DENND6A: variants seen among roughly 807,000 people sequenced by gnomAD.
DENND6A encodes protein DENND6A.
Under a neutral mutation model 95.5 loss-of-function variants are expected in DENND6A, and 43 were observed. The ratio of observed to expected loss-of-function variants is 0.45; its 90% CI spans 0.35 to 0.58. DENND6A has a LOEUF of 0.58. DENND6A is among the 20% of genes least tolerant of loss of function. DENND6A has a pLI of 0.00. For missense variants in DENND6A, 574 were observed against 736.0 expected, an observed-to-expected ratio of 0.78 and a Z score of 2.55; for synonymous variants, 257 against 260.4, an observed-to-expected ratio of 0.99 and a Z score of 0.13.
intron 1 of DENND6A, among the ~76,000 whole-genome samples, chr3:57,679,989 GAGCAGC>G: frequency 6.6e-6 from 1 of 152,292 alleles, no homozygotes; most frequent in East Asian, 1.9e-4. Context: ...ACTGTTAGAA[GAGCAGC>G]AGCAGCAGTG....
At chr3:57,680,002 A>T (rs1245457350) in intron 1 of DENND6A, among the ~76,000 whole-genome samples, 1 of 152,234 alleles carries the variant, frequency 6.6e-6, no homozygotes, top group Admixed American at 6.5e-5. Flanking sequence ...CAGCAGCAGC[A>T]GTGGGAACAA....
At chr3:57,691,121 A>G (rs1489264384) in intron 1 of DENND6A, among the ~76,000 whole-genome samples, 2 of 152,250 alleles carry the variant, frequency 1.3e-5, no homozygotes, top group Non-Finnish European at 2.9e-5. Context: ...CCAAATAATG[A>G]GAATCCAAAA....
At chr3:57,631,653 A>G (rs2070677479) in intron 15 of DENND6A, among the ~76,000 whole-genome samples, 1 of 151,372 alleles carries the variant, frequency 6.6e-6, no homozygotes, top group African/African-American at 2.4e-5. Flanking sequence ...AGGCTAAATA[A>G]CCTGACCAAG....
chr3:57,680,577 A>C (rs147754228), intron 1 of DENND6A, among the ~76,000 whole-genome samples: 2 of 152,340 alleles, frequency 1.3e-5, no homozygotes, highest in African/African-American at 2.4e-5. Context: ...ATGAGAAATA[A>C]ACAGATATTG....
At chr3:57,639,866 C>T (rs2070885673) in intron 12 of DENND6A, among the ~76,000 whole-genome samples, 1 of 151,112 alleles carries the variant, frequency 6.6e-6, no homozygotes, top group African/African-American at 2.5e-5. Context: ...ATCCTTGATT[C>T]TAATACTTCC....
rs1553744948 is a variant in DENND6A, at chr3:57,681,634, A to AAAAAG, written c.238-9197_238-9196insCTTTT. ...GCAAGACCCTGTTAAAAAAAAAAAA[A>AAAAAG]AAAGAAAGAAAGAAAGAAAAAAGAA... is the stretch of plus-strand genomic sequence containing the variant. On this transcript the variant is annotated intron_variant, in intron 1 of 19. Coordinates refer to ENST00000311128, the MANE Select transcript of DENND6A (RefSeq NM_152678.3). Among the ~76,000 whole-genome samples the AAAAAG allele has an allele frequency of 4.0e-5, 6 of 151,636 alleles. No individual in the cohort carries two copies. The South Asian group carries it at 8.3e-4, about 21-fold the overall frequency.
chr3:57,628,235 C>T lies in DENND6A; in HGVS notation c.1806G>A (p.Leu602=), dbSNP rs1575807187. 6.2e-7 allele frequency: 1 copy of T among 1,613,174 alleles called. No homozygotes were observed. The highest frequency in any genetic ancestry group is 1.3e-5 in the African/African-American group (1 of 74,866). Residue 602 remains leucine, a synonymous_variant, in exon 20 of 20, where the codon CTG becomes CTA. Transcript: ENST00000311128. ...LALPEDLQGI[L]LKTGMT The stretch of plus-strand genomic sequence containing the variant: ...AATATCATGTCATGCCCGTTTTGAG[C>T]AGTATGCCTTGCAAGTCCTCTGGCA...
At chr3:57,691,184 T>G (rs2077260958) in intron 1 of DENND6A, among the ~76,000 whole-genome samples, 1 of 152,354 alleles carries the variant, frequency 6.6e-6, no homozygotes, top group East Asian at 1.9e-4. Flanking sequence ...CCCATTCTTA[T>G]GCTTTCTGGT....
intron 1 of DENND6A, among the ~76,000 whole-genome samples, chr3:57,683,172 T>C (rs1482248878): frequency 6.6e-6 from 1 of 152,120 alleles, no homozygotes; most frequent in Non-Finnish European, 1.5e-5. Context: ...ACTGATCCTG[T>C]ATTACTTACA....
In DENND6A at chr3:57,663,491, T is replaced by A. The variant is rs1372661541; in HGVS notation, c.513+145A>T. 1,036 of 121,276 alleles carry A rather than the reference T, an allele frequency of 8.5e-3. 14 individuals carry two copies. The highest frequency in any genetic ancestry group is 0.023 in the African/African-American group (732 of 32,414). The allele number at this position is 121,276 out of a possible 1,614,324, so 7.5% of individuals were successfully genotyped here. A position where few individuals can be genotyped will look rare whatever the true frequency, so the allele number is the denominator to read the frequency against. ...AAAAAAAAAAAAAAAAAAAAAAATA[T>A]ATATATACACACACACACACACATA... On this transcript the variant is annotated intron_variant, in intron 5 of 19. Coordinates refer to ENST00000311128, the MANE Select transcript of DENND6A (RefSeq NM_152678.3).
At chr3:57,652,025 C>A (rs1446913329) in intron 9 of DENND6A, among the ~76,000 whole-genome samples, 1 of 152,010 alleles carries the variant, frequency 6.6e-6, no homozygotes, top group Non-Finnish European at 1.5e-5. Flanking sequence ...TAGCAAGACA[C>A]CCTCTCTACA....
At chr3:57,690,190 A>AT (rs1012923167) in intron 1 of DENND6A, among the ~76,000 whole-genome samples, 2 of 151,590 alleles carry the variant, frequency 1.3e-5, no homozygotes, top group African/African-American at 4.8e-5. Flanking sequence ...ACTAAAAAAA[A>AT]CAAAAAAACA....
At position 57,660,821 on chromosome 3, in the gene DENND6A, C is replaced by T. The variant is rs1286892075; in HGVS notation, c.638G>A (p.Arg213Gln). The change falls in exon 7 of 20, where the codon CGA becomes CAA. Residue 213 changes from arginine to glutamine, a missense_variant. Coordinates refer to ENST00000311128, the MANE Select transcript of DENND6A (RefSeq NM_152678.3). ...YLEAACNDVD[R>Q]WPAPVPGKTL... The stretch of plus-strand genomic sequence containing the variant: ...TTTCCCTGGCACTGGGGCAGGCCAT[C>T]GATCAACATCATTACAAGCTGAAAA... The T allele has an allele frequency of 4.4e-6, 7 of 1,604,152 alleles. No homozygotes were observed. The highest frequency in any genetic ancestry group is 1.7e-5 in the Admixed American group (1 of 58,614).
intron 1 of DENND6A, among the ~76,000 whole-genome samples, chr3:57,676,375 T>TA (rs35465829): frequency 0.033 from 2,857 of 87,288 alleles, 92 homozygotes; most frequent in African/African-American, 0.073. Flanking sequence ...TAAGATTATT[T>TA]AAAAAAAAAA....
intron 14 of DENND6A, among the ~76,000 whole-genome samples, chr3:57,633,953 T>A (rs1575814200): frequency 1.3e-5 from 2 of 152,142 alleles, no homozygotes; most frequent in East Asian, 3.9e-4. Flanking sequence ...TATACTATAC[T>A]ATTTACATTA....
At chr3:57,677,662 C>T (rs1413999724) in intron 1 of DENND6A, among the ~76,000 whole-genome samples, 1 of 152,014 alleles carries the variant, frequency 6.6e-6, no homozygotes, top group Non-Finnish European at 1.5e-5. Flanking sequence ...TCTCAAACTC[C>T]TGGCCTCAAA....
At chr3:57,679,687 G>C (rs1162933863) in intron 1 of DENND6A, 1 of 421,480 alleles carries the variant, frequency 2.4e-6, no homozygotes, top group Non-Finnish European at 3.2e-6. Flanking sequence ...CACATCAATG[G>C]TCCATTGTTG....
At chr3:57,671,516 C>A (rs374252467) in intron 3 of DENND6A, among the ~76,000 whole-genome samples, 2 of 148,482 alleles carry the variant, frequency 1.3e-5, no homozygotes, top group Admixed American at 1.4e-4. Context: ...GGTGACAGAG[C>A]GAGACTCCAT....
intron 1 of DENND6A, among the ~76,000 whole-genome samples, chr3:57,686,321 T>G (rs940102187): frequency 6.6e-5 from 10 of 152,188 alleles, no homozygotes; most frequent in African/African-American, 2.4e-4. Context: ...AAACCCAAGC[T>G]TAGAAATCTT....
Sources: gnomAD v4.1 joint callset for allele counts (sites outside exome capture counted in the v4.1 genomes callset) on GRCh38, gnomAD v4.1.1 for gene constraint, MANE v1.5 for transcripts, NCBI Gene and HGNC (gene_info 2026-07-23, HGNC 2026-07-21) for gene names.